FAM135B: variants seen among roughly 807,000 people sequenced by gnomAD.
FAM135B encodes protein FAM135B.
In FAM135B, 43 loss-of-function variants were observed where a neutral mutation model predicts 127.7. That is an observed-to-expected ratio of 0.34 (90% CI 0.26 to 0.43). The LOEUF (loss-of-function observed/expected upper bound fraction) is 0.43, where lower values mean the gene tolerates loss of function less well. FAM135B is among the 20% of genes least tolerant of loss of function. The pLI, the probability that FAM135B is intolerant of heterozygous loss-of-function variation, is 1.00. For missense variants in FAM135B, 1,558 were observed against 1,725.6 expected (o/e 0.90, Z 1.72); for synonymous variants, 670 against 665.1 (o/e 1.01, Z -0.11).
At chr8:138,451,528 G>A (rs1283551186) in intron 1 of FAM135B, among the ~76,000 whole-genome samples, 4 of 152,134 alleles carry the variant, frequency 2.6e-5, no homozygotes, top group African/African-American at 7.2e-5. Context: ...TAAAGTAAGG[G>A]GACAACCCCT....
In FAM135B at chr8:138,265,776, A is replaced by G. The variant is rs1255721302; in HGVS notation, c.224T>C (p.Leu75Ser). 1.2e-6 allele frequency: 2 copies of G among 1,614,116 alleles called. No individual in the cohort carries two copies. The highest frequency in any genetic ancestry group is 2.2e-5 in the South Asian group (2 of 91,072). ...STVHSRVFQILYRNEEVPIND... is the reference protein window; with the variant it reads ...STVHSRVFQISYRNEEVPIND... ...TATGGGTACCTCTTCATTCCGGTAT[A>G]AGATCTGAAAGACCCGGCTGTGCAC... The change falls in exon 4 of 20, where the codon TTA (leucine) becomes TCA (serine). Residue 75 changes from leucine to serine, a missense_variant. By Grantham distance (145) the Leu-to-Ser change is moderately radical (BLOSUM62 -2). This residue lies in a region of FAM135B where 199 missense variants were observed against 245.7 expected (regional missense o/e 0.81). Coordinates refer to ENST00000395297, the MANE Select transcript of FAM135B (RefSeq NM_015912.4).
At chr8:138,142,288 C>T (rs68123529) in intron 16 of FAM135B, among the ~76,000 whole-genome samples, 4,986 of 62,360 alleles carry the variant, frequency 0.08, 294 homozygotes, top group Non-Finnish European at 0.091. Flanking sequence ...TCTGCTTCTT[C>T]TTTTTTTTTT....
At chr8:138,207,274 GT>G (rs1817770277) in intron 7 of FAM135B, among the ~76,000 whole-genome samples, 2 of 147,578 alleles carry the variant, frequency 1.4e-5, no homozygotes, top group Non-Finnish European at 3.0e-5. Context: ...CTGGAGCTCA[GT>G]GGTATAATTT....
chr8:138,227,653 GTCACATCCA>G (rs1222657700), intron 7 of FAM135B, among the ~76,000 whole-genome samples: 1 of 150,290 alleles, frequency 6.7e-6, no homozygotes, highest in Non-Finnish European at 1.5e-5. Flanking sequence ...CAAGGAAACA[GTCACATCCA>G]TCACATCTAG....
chr8:138,316,133 C>T (rs1424655462), intron 2 of FAM135B, among the ~76,000 whole-genome samples: 1 of 152,174 alleles, frequency 6.6e-6, no homozygotes, highest in African/African-American at 2.4e-5. Context: ...ATCAAAACAT[C>T]ATGTTGTATA....
intron 4 of FAM135B, among the ~76,000 whole-genome samples, chr8:138,265,093 C>T (rs1202479870): frequency 2.0e-5 from 3 of 152,114 alleles, no homozygotes; most frequent in South Asian, 2.1e-4. Flanking sequence ...CCCAAGGCCT[C>T]GGGGCTTGCA....
intron 3 of FAM135B, among the ~76,000 whole-genome samples, chr8:138,283,873 G>C (rs533125073): frequency 6.6e-6 from 1 of 152,014 alleles, no homozygotes; most frequent in South Asian, 2.1e-4. Flanking sequence ...AAGCTTCTGG[G>C]TCCACAGGGA....
At chr8:138,311,689 A>C (rs1297660882) in intron 2 of FAM135B, among the ~76,000 whole-genome samples, 1 of 152,206 alleles carries the variant, frequency 6.6e-6, no homozygotes, top group Non-Finnish European at 1.5e-5. Context: ...TGGACCATGA[A>C]CACATCAGTC....
At chr8:138,433,644 G>T (rs1317344023) in intron 1 of FAM135B, among the ~76,000 whole-genome samples, 1 of 152,128 alleles carries the variant, frequency 6.6e-6, no homozygotes, top group Non-Finnish European at 1.5e-5. Context: ...GGAAGATCAG[G>T]TGGCTGAAGC....
intron 1 of FAM135B, among the ~76,000 whole-genome samples, chr8:138,462,630 G>A (rs1461370101): frequency 1.3e-5 from 2 of 152,292 alleles, no homozygotes; most frequent in South Asian, 4.1e-4. Flanking sequence ...TTTAACCCGA[G>A]TAGCTCTTCT....
In FAM135B at chr8:138,132,788, A is replaced by G. The variant is rs193010937; in HGVS notation, c.4026T>C (p.Tyr1342=). Residue 1342 remains tyrosine, a synonymous_variant, in exon 20 of 20, where the codon TAT becomes TAC. Coordinates refer to ENST00000395297, the MANE Select transcript of FAM135B (RefSeq NM_015912.4). This position sits in a 1 kb window ranked among gnomAD's most constrained non-coding sequence, Gnocchi z 4.5. The stretch of plus-strand genomic sequence containing the variant: ...CCAGGAGGTTGTTGATCATTTCTGC[A>G]TAAACTGGCCCTGTAAAGTGGGGAA... The part of the protein sequence containing the change: ...ALKDRHTGPV[Y]AEMINNLLGP... 9.8e-4 allele frequency: 1,584 copies of G among 1,614,056 alleles called. 26 individuals are homozygous for G. The East Asian group carries it at 0.029, about 30-fold the overall frequency.
At chr8:138,259,651 A>T (rs904354946) in intron 4 of FAM135B, among the ~76,000 whole-genome samples, 4 of 152,142 alleles carry the variant, frequency 2.6e-5, no homozygotes, top group Non-Finnish European at 5.9e-5. Flanking sequence ...AGACTTTGTG[A>T]TCGGACGGCC....
intron 3 of FAM135B, among the ~76,000 whole-genome samples, chr8:138,281,406 C>T (rs1459882462): frequency 6.6e-6 from 1 of 151,844 alleles, no homozygotes; most frequent in African/African-American, 2.4e-5. Context: ...TTTCATTTCT[C>T]CATTGCTCTA....
At chr8:138,162,626 G>C (rs147916208) in intron 12 of FAM135B, among the ~76,000 whole-genome samples, 2 of 152,214 alleles carry the variant, frequency 1.3e-5, no homozygotes, top group Non-Finnish European at 2.9e-5. Context: ...CTTTTAAAAA[G>C]TCTTTAAAAA....
chr8:138,178,720 G>T, intron 9 of FAM135B, 30 bp from the exon 10 acceptor site: 3 of 1,609,082 alleles, frequency 1.9e-6, no homozygotes, highest in Non-Finnish European at 2.5e-6. Flanking sequence ...GGTATTCAAG[G>T]CTCCTGACTC....
chr8:138,239,091 T>C (rs141732357), intron 7 of FAM135B, among the ~76,000 whole-genome samples: 1 of 152,324 alleles, frequency 6.6e-6, no homozygotes, highest in East Asian at 1.9e-4. Context: ...GATGTTTTTA[T>C]ACATATTAAC....
intron 3 of FAM135B, among the ~76,000 whole-genome samples, chr8:138,301,503 C>T (rs1048212297): frequency 6.6e-6 from 1 of 152,054 alleles, no homozygotes; most frequent in South Asian, 2.1e-4. Flanking sequence ...TTTTTCCTAA[C>T]GGCATGACAT....
chr8:138,224,741 A>T (rs1190953314), intron 7 of FAM135B, among the ~76,000 whole-genome samples: 2 of 152,126 alleles, frequency 1.3e-5, no homozygotes, highest in Non-Finnish European at 2.9e-5. Context: ...TTAGAGTTGG[A>T]TTAGGTCATG....
intron 2 of FAM135B, among the ~76,000 whole-genome samples, chr8:138,320,038 T>C (rs1371797063): frequency 6.6e-6 from 1 of 152,108 alleles, no homozygotes; most frequent in Non-Finnish European, 1.5e-5. Context: ...AGAAACAGAC[T>C]CTTCTACTGC....
Sources: allele counts gnomAD v4.1 joint callset (sites outside exome capture counted in the v4.1 genomes callset), GRCh38; gene constraint gnomAD v4.1.1; regional missense constraint gnomAD v4.1.1; non-coding constraint Gnocchi (gnomAD v3.1); transcripts MANE v1.5; gene names NCBI Gene and HGNC (gene_info 2026-07-23, HGNC 2026-07-21).